Variants in IQGAP2 observed in about 807,000 individuals in gnomAD.
The protein encoded by IQGAP2 is IQ motif containing GTPase activating protein 2, also known as ras GTPase-activating-like protein IQGAP2.
A neutral mutation model predicts 201.3 loss-of-function variants in IQGAP2; 173 were observed. That is an observed-to-expected ratio of 0.86 (90% CI 0.76 to 0.98). The LOEUF (loss-of-function observed/expected upper bound fraction) is 0.98, where lower values mean the gene tolerates loss of function less well. Among genes scored for constraint, IQGAP2 ranks in the 50% least tolerant of loss-of-function variants. IQGAP2 has a pLI of 0.00. For synonymous variants in IQGAP2, 675 were observed against 673.9 expected, an observed-to-expected ratio of 1.00 and a Z score of -0.03; for missense variants, 1,687 against 1,864.8, an observed-to-expected ratio of 0.90 and a Z score of 1.76.
At position 76,590,597 on chromosome 5, in the gene IQGAP2, T is replaced by A; in HGVS notation, c.819+11T>A. The A allele has an allele frequency of 1.9e-6, 3 of 1,590,498 alleles. No individual in the cohort carries two copies. The highest frequency in any genetic ancestry group is 2.6e-6 in the Non-Finnish European group (3 of 1,169,472). On this transcript the variant is annotated intron_variant, in intron 8 of 35. Coordinates refer to ENST00000274364, the MANE Select transcript of IQGAP2 (RefSeq NM_006633.5). ...AATGCAAGACTGAAGGTGCTTAGAT[T>A]CTGAGTAATAAAAACAGTAATGAAT...
intron 1 of IQGAP2, among the ~76,000 whole-genome samples, chr5:76,423,725 A>G (rs1481888972): frequency 6.6e-6 from 1 of 152,222 alleles, no homozygotes; most frequent in Non-Finnish European, 1.5e-5. Flanking sequence ...CAGATATGCA[A>G]GAAAGGATTT....
intron 1 of IQGAP2, among the ~76,000 whole-genome samples, chr5:76,432,428 G>T (rs534132115): frequency 3.9e-5 from 6 of 152,230 alleles, no homozygotes; most frequent in African/African-American, 1.4e-4. Flanking sequence ...CTCAGCCCAG[G>T]CTGGTCTATT....
intron 30 of IQGAP2, among the ~76,000 whole-genome samples, chr5:76,684,306 G>A (rs753682003): frequency 1.2e-4 from 19 of 152,134 alleles, no homozygotes; most frequent in Non-Finnish European, 8.8e-5. Flanking sequence ...ATAAAAACAC[G>A]TACCTACAAT....
At chr5:76,652,907 C>A in intron 18 of IQGAP2, 74 bp downstream of exon 18, 1 of 1,000,176 alleles carries the variant, frequency 1.0e-6, no homozygotes, top group South Asian at 1.3e-5. Context: ...ATCTGAAAGA[C>A]AGCTATAGAA....
At chr5:76,609,281 A>G in intron 12 of IQGAP2, 1 of 1,511,688 alleles carries the variant, frequency 6.6e-7, no homozygotes, top group Non-Finnish European at 8.9e-7. Flanking sequence ...GGCACTAAAT[A>G]TTCCATGCAC....
At chr5:76,475,844 C>T (rs1321682901) in intron 2 of IQGAP2, among the ~76,000 whole-genome samples, 1 of 152,052 alleles carries the variant, frequency 6.6e-6, no homozygotes, top group African/African-American at 2.4e-5. Context: ...TTTCAGAGAA[C>T]CTTCAGATGG....
intron 1 of IQGAP2, among the ~76,000 whole-genome samples, chr5:76,415,541 G>A (rs2150075021): frequency 6.6e-6 from 1 of 152,320 alleles, no homozygotes; most frequent in South Asian, 2.1e-4. Flanking sequence ...AGGATTCAGT[G>A]GCTATCTAAT....
At chr5:76,418,906 C>G (rs1751564006) in intron 1 of IQGAP2, among the ~76,000 whole-genome samples, 1 of 152,252 alleles carries the variant, frequency 6.6e-6, no homozygotes, top group South Asian at 2.1e-4. Flanking sequence ...GCGGGCCAGC[C>G]TCCTAGGTTG....
intron 5 of IQGAP2, among the ~76,000 whole-genome samples, chr5:76,585,501 T>A (rs1746183839): frequency 6.6e-6 from 1 of 150,894 alleles, no homozygotes; most frequent in Non-Finnish European, 1.5e-5. Context: ...CTATTCTCAT[T>A]TCTTTTTTTC....
At chr5:76,640,258 A>T (rs1278556257) in intron 16 of IQGAP2, among the ~76,000 whole-genome samples, 1 of 152,188 alleles carries the variant, frequency 6.6e-6, no homozygotes, top group Non-Finnish European at 1.5e-5. Flanking sequence ...ACTAGATAAG[A>T]GTCATCAGCT....
At chr5:76,550,129 GAA>G (rs896869348) in intron 2 of IQGAP2, among the ~76,000 whole-genome samples, 2 of 152,130 alleles carry the variant, frequency 1.3e-5, no homozygotes, top group African/African-American at 4.8e-5. Flanking sequence ...GTGAACCCGT[GAA>G]ACCAGACAAG....
chr5:76,677,862 C>CT (rs1479078083), intron 28 of IQGAP2, among the ~76,000 whole-genome samples: 1 of 152,186 alleles, frequency 6.6e-6, no homozygotes, highest in Non-Finnish European at 1.5e-5. Context: ...GCTCAGGAGT[C>CT]TGAGGCTGCA....
intron 1 of IQGAP2, among the ~76,000 whole-genome samples, chr5:76,452,220 T>A (rs1580221003): frequency 6.6e-6 from 1 of 150,806 alleles, no homozygotes; most frequent in East Asian, 1.9e-4. Context: ...CAGCCCTTGT[T>A]TTTTTCTTTT....
At chr5:76,555,559 C>T (rs1056717667) in intron 2 of IQGAP2, among the ~76,000 whole-genome samples, 1 of 152,146 alleles carries the variant, frequency 6.6e-6, no homozygotes, top group East Asian at 1.9e-4. Flanking sequence ...ATTGGTGTGG[C>T]CAGGTACCAC....
intron 2 of IQGAP2, among the ~76,000 whole-genome samples, chr5:76,557,302 GA>G (rs887913919): frequency 1.3e-5 from 2 of 152,146 alleles, no homozygotes; most frequent in Admixed American, 1.3e-4. Context: ...CAGAATCTGA[GA>G]AAAACACCGG....
intron 12 of IQGAP2, 45 bp downstream of exon 12, chr5:76,606,348 G>T: frequency 6.6e-7 from 1 of 1,504,306 alleles, no homozygotes; most frequent in Non-Finnish European, 8.9e-7. Flanking sequence ...GGGAGAAGAA[G>T]GTATCTGGAC....
intron 2 of IQGAP2, among the ~76,000 whole-genome samples, chr5:76,508,703 T>G (rs1247316201): frequency 1.3e-5 from 2 of 151,696 alleles, no homozygotes; most frequent in African/African-American, 2.4e-5. Context: ...TTGTTTTGTT[T>G]TTTTTTTTTT....
intron 2 of IQGAP2, among the ~76,000 whole-genome samples, chr5:76,553,168 A>G (rs1266766817): frequency 1.3e-5 from 2 of 152,220 alleles, no homozygotes; most frequent in Admixed American, 1.3e-4. Flanking sequence ...AAGTTTTGCC[A>G]TGAGAACTTA....
At position 76,557,142 on chromosome 5, in the gene IQGAP2, A is replaced by G. The variant is rs186498888; in HGVS notation, c.147-5254A>G. ...TGTTTTGTTATCACTTTTGTTTTAC[A>G]CTAGGCTAGAGGATTCAGTTTGGTG... On this transcript the variant is annotated intron_variant, in intron 2 of 35. Transcript: ENST00000274364. Among the ~76,000 whole-genome samples the G allele has an allele frequency of 3.4e-3, 525 of 152,306 alleles. 1 individual carries two copies. Among genetic ancestry groups the G allele is most frequent in the African/African-American group, 0.012 (499 of 41,574 alleles).
Sources: allele counts gnomAD v4.1 joint callset (sites outside exome capture counted in the v4.1 genomes callset), GRCh38; gene constraint gnomAD v4.1.1; transcripts MANE v1.5; gene names NCBI Gene and HGNC (gene_info 2026-07-23, HGNC 2026-07-21).